LPAR1: variants seen among roughly 807,000 people sequenced by gnomAD.
The protein encoded by LPAR1 is lysophosphatidic acid receptor 1, also known as LPA receptor 1.
In LPAR1, 5 loss-of-function variants were observed where a neutral mutation model predicts 23.8. The observed-to-expected ratio is 0.21, with a 90% CI of 0.11 to 0.44. LPAR1 has a LOEUF of 0.44. LPAR1 is among the 20% of genes least tolerant of loss of function. The pLI is 0.99. For missense variants in LPAR1, 311 were observed against 482.8 expected, an observed-to-expected ratio of 0.64 and a Z score of 3.33; for synonymous variants, 160 against 164.7, an observed-to-expected ratio of 0.97 and a Z score of 0.22.
At chr9:110,975,031 T>G (rs537230773) in intron 2 of LPAR1, among the ~76,000 whole-genome samples, 318 of 152,310 alleles carry the variant, frequency 2.1e-3, no homozygotes, top group Non-Finnish European at 3.6e-3. Flanking sequence ...ATAATTCACA[T>G]TATCTTGCTC....
At chr9:110,915,128 G>A (rs72748150) in intron 5 of LPAR1, among the ~76,000 whole-genome samples, 25,055 of 152,108 alleles carry the variant, frequency 0.16, 2,628 homozygotes, top group Admixed American at 0.24. Flanking sequence ...ACTCTCTAAA[G>A]TGTGCTTATG....
At chr9:110,925,552 T>C (rs1447781729) in intron 5 of LPAR1, among the ~76,000 whole-genome samples, 1 of 152,182 alleles carries the variant, frequency 6.6e-6, no homozygotes, top group Non-Finnish European at 1.5e-5. Flanking sequence ...AATCCCCATA[T>C]AGAACCTTCA....
At chr9:111,034,471 A>G (rs2097855917) in intron 2 of LPAR1, among the ~76,000 whole-genome samples, 1 of 152,218 alleles carries the variant, frequency 6.6e-6, no homozygotes, top group Non-Finnish European at 1.5e-5. Context: ...ACATGTTCAA[A>G]AGGCTCCACA....
intron 4 of LPAR1, among the ~76,000 whole-genome samples, chr9:110,956,103 T>G (rs1012871138): frequency 2.6e-5 from 4 of 151,982 alleles, no homozygotes; most frequent in Non-Finnish European, 5.9e-5. Context: ...TGGATGAAGC[T>G]GGAAACCATC....
At chr9:111,016,900 TAC>T (rs1261598500) in intron 2 of LPAR1, among the ~76,000 whole-genome samples, 1 of 152,172 alleles carries the variant, frequency 6.6e-6, no homozygotes, top group Non-Finnish European at 1.5e-5. Context: ...TATTGAGCAA[TAC>T]AGTTTTTTTT....
intron 2 of LPAR1, among the ~76,000 whole-genome samples, chr9:111,018,293 G>A (rs1431048528): frequency 1.3e-5 from 2 of 152,142 alleles, no homozygotes; most frequent in East Asian, 1.9e-4. Context: ...GCTGGTAGGA[G>A]TATGAAGCAT....
intron 5 of LPAR1, among the ~76,000 whole-genome samples, chr9:110,912,107 A>G (rs1245267602): frequency 6.6e-6 from 1 of 152,250 alleles, no homozygotes; most frequent in Non-Finnish European, 1.5e-5. Flanking sequence ...AGGAAAGCAC[A>G]GTATCAATGC....
chr9:110,875,926 A>G (rs956317381), intron 5 of LPAR1, among the ~76,000 whole-genome samples: 1 of 152,210 alleles, frequency 6.6e-6, no homozygotes, highest in Admixed American at 6.5e-5. Flanking sequence ...TTTATTTTGG[A>G]CGTTACTAAA....
chr9:110,896,557 G>T (rs2086396635), intron 5 of LPAR1, among the ~76,000 whole-genome samples: 1 of 151,902 alleles, frequency 6.6e-6, no homozygotes, highest in Non-Finnish European at 1.5e-5. Flanking sequence ...CTACTCCATG[G>T]TATGATCTAG....
chr9:110,943,290 T>C (rs2095239798), intron 4 of LPAR1, among the ~76,000 whole-genome samples: 1 of 151,758 alleles, frequency 6.6e-6, no homozygotes, highest in Non-Finnish European at 1.5e-5. Context: ...CACATTCTAC[T>C]TTTTCATTTT....
At position 110,915,307 on chromosome 9, in the gene LPAR1, C is replaced by T. The variant is rs992101843; in HGVS notation, c.793+26114G>A. ...ATCCCAGCACTTTGGGAAGCTGAGG[C>T]AGGCAGATCACTGGAGGTAAAGAGT... On this transcript the variant is annotated intron_variant, in intron 5 of 5. Transcript: ENST00000683809. 5.3e-5 allele frequency among the ~76,000 whole-genome samples: 8 copies of T among 152,166 alleles called. No homozygotes were observed. The East Asian group carries it at 7.7e-4, about 15-fold the overall frequency.
Position 110,941,481 on chromosome 9 carries a change from C to G in LPAR1, c.733G>C (p.Gly245Arg). 6.2e-7 allele frequency: 1 copy of G among 1,614,062 alleles called. No individual in the cohort carries two copies. Among genetic ancestry groups the G allele is most frequent in the South Asian group, 1.1e-5 (1 of 91,072 alleles). Residue 245 changes from glycine to arginine, a missense_variant, in exon 5 of 6, where the codon GGA (glycine) becomes CGA (arginine). By Grantham distance (125) the Gly-to-Arg change is moderately radical (BLOSUM62 -2). Coordinates refer to ENST00000683809, the MANE Select transcript of LPAR1 (RefSeq NM_001351411.2). This position sits in a 1 kb window ranked among gnomAD's most constrained non-coding sequence, Gnocchi z 6.1. ...RTMRMSRHSS[G>R]PRRNRDTMMS... ...ATGGTATCCCGATTCCGCCGGGGTC[C>G]AGAACTATGCCGAGACATTCTCATA...
chr9:110,887,199 C>T (rs2082638149), intron 5 of LPAR1, among the ~76,000 whole-genome samples: 2 of 151,818 alleles, frequency 1.3e-5, no homozygotes, highest in African/African-American at 4.8e-5. Context: ...TTACCCAAGA[C>T]AGAAACTTCA....
chr9:110,977,820 G>GA (rs1424559299), intron 2 of LPAR1, among the ~76,000 whole-genome samples: 1 of 33,024 alleles, frequency 3.0e-5, no homozygotes, highest in East Asian at 4.4e-4. Flanking sequence ...GGGAGGGAGG[G>GA]CGGGAGGGAG....
chr9:111,010,179 G>T (rs943749865), intron 2 of LPAR1, among the ~76,000 whole-genome samples: 3 of 151,856 alleles, frequency 2.0e-5, no homozygotes, highest in Non-Finnish European at 4.4e-5. Flanking sequence ...GACTTACAAT[G>T]TGACAGGAAA....
intron 5 of LPAR1, among the ~76,000 whole-genome samples, chr9:110,887,519 G>A (rs1322451283): frequency 1.3e-5 from 2 of 151,924 alleles, no homozygotes; most frequent in Non-Finnish European, 2.9e-5. Context: ...AAGGAGGTAC[G>A]GTCTGTTCTA....
At chr9:111,038,740 TG>T (rs142765719), upstream of LPAR1, 8 of 434,596 alleles carry the variant, frequency 1.8e-5, no homozygotes, top group East Asian at 3.3e-4. The surrounding 1 kb of genome is among the most constrained non-coding windows in gnomAD (Gnocchi z 4.4). Context: ...GGGCCGGGGC[TG>T]GGGGGTGGCC....
At position 110,918,886 on chromosome 9, in the gene LPAR1, G is replaced by T. The variant is rs559840944; in HGVS notation, c.793+22535C>A. Among the ~76,000 whole-genome samples the T allele has an allele frequency of 2.1e-3, 302 of 147,164 alleles. 2 individuals carry two copies. Among genetic ancestry groups the T allele is most frequent in the African/African-American group, 7.0e-3 (282 of 40,392 alleles). On this transcript the variant is annotated intron_variant, in intron 5 of 5. Transcript: ENST00000683809. Reference sequence around the variant, plus strand: ...TTAAAACAGCATTTTTGAAAAGCTGGTTTTTTTTTTTCCATCTGTACTCAA... The same window carrying T: ...TTAAAACAGCATTTTTGAAAAGCTGTTTTTTTTTTTTCCATCTGTACTCAA...
intron 5 of LPAR1, among the ~76,000 whole-genome samples, chr9:110,899,154 A>G (rs1034727966): frequency 6.6e-6 from 1 of 152,222 alleles, no homozygotes; most frequent in African/African-American, 2.4e-5. Context: ...GAATCAGAAT[A>G]TAGGATATTT....
Sources: allele counts gnomAD v4.1 joint callset (sites outside exome capture counted in the v4.1 genomes callset), GRCh38; gene constraint gnomAD v4.1.1; non-coding constraint Gnocchi (gnomAD v3.1); transcripts MANE v1.5; gene names NCBI Gene and HGNC (gene_info 2026-07-23, HGNC 2026-07-21).